Variants in JMJD1C observed in about 807,000 individuals in gnomAD.
JMJD1C encodes the protein jumonji domain-containing protein 1C.
In JMJD1C, 31 loss-of-function variants were observed where a neutral mutation model predicts 245.3. The ratio of observed to expected loss-of-function variants is 0.13; its 90% CI spans 0.09 to 0.17. JMJD1C has a LOEUF of 0.17. Among genes scored for constraint, JMJD1C ranks in the 10% least tolerant of loss-of-function variants. JMJD1C has a pLI of 1.00. For synonymous variants in JMJD1C, 1,057 were observed against 1,017.4 expected, an observed-to-expected ratio of 1.04 and a Z score of -0.74; for missense variants, 2,691 against 3,000.2, an observed-to-expected ratio of 0.90 and a Z score of 2.41.
At chr10:63,281,770 A>G (rs1430976918) in intron 2 of JMJD1C, among the ~76,000 whole-genome samples, 1 of 152,072 alleles carries the variant, frequency 6.6e-6, no homozygotes, top group African/African-American at 2.4e-5. Context: ...TGCCCAGCCA[A>G]TCCTTTACCT....
intron 2 of JMJD1C, among the ~76,000 whole-genome samples, chr10:63,307,562 G>A (rs1938445015): frequency 6.6e-6 from 1 of 152,092 alleles, no homozygotes; most frequent in Admixed American, 6.6e-5. Context: ...GCCTGACAGA[G>A]AAGCTGAGAA....
Position 63,204,584 on chromosome 10 carries a change from C to T in JMJD1C, c.5074+2011G>A. 5.1e-6 allele frequency: 5 copies of T among 985,368 alleles called. No homozygotes were observed. The South Asian group carries it at 1.4e-4, about 28-fold the overall frequency. The allele number at this position is 985,368 out of a possible 1,614,324, so 61.0% of individuals were successfully genotyped here. On this transcript the variant is annotated intron_variant, in intron 10 of 25. Coordinates refer to ENST00000399262, the MANE Select transcript of JMJD1C (RefSeq NM_032776.3). ...ACAGAAGAGAAACAATTAAATTGCT[C>T]ACACTAAGCCTATTATGAATTCATG...
At chr10:63,310,560 G>A (rs573086399) in intron 2 of JMJD1C, among the ~76,000 whole-genome samples, 18 of 152,120 alleles carry the variant, frequency 1.2e-4, no homozygotes, top group African/African-American at 2.7e-4. Context: ...GCTTAGAAAC[G>A]TAATACACTA....
At chr10:63,173,933 A>C (rs1428617064) in intron 24 of JMJD1C, among the ~76,000 whole-genome samples, 1 of 152,236 alleles carries the variant, frequency 6.6e-6, no homozygotes, top group Non-Finnish European at 1.5e-5. Context: ...AAATGAAGAT[A>C]TAAAAAGATG....
intron 2 of JMJD1C, among the ~76,000 whole-genome samples, chr10:63,271,382 T>A (rs1238713693): frequency 3.3e-5 from 5 of 151,912 alleles, no homozygotes. Flanking sequence ...GTCATCATGT[T>A]GACCAGGCTG....
At chr10:63,267,665 C>G (rs1025679149) in intron 2 of JMJD1C, among the ~76,000 whole-genome samples, 12 of 152,030 alleles carry the variant, frequency 7.9e-5, no homozygotes, top group Middle Eastern at 3.2e-3. Flanking sequence ...CTCTAAAAAG[C>G]CTTTGAAAAC....
At position 63,477,574 on chromosome 10, in the gene JMJD1C, C is replaced by T. The variant is rs886137604; in HGVS notation, n.113+44164G>A. Among the ~76,000 whole-genome samples, 11 of 144,384 alleles carry T rather than the reference C, an allele frequency of 7.6e-5. No individual in the cohort carries two copies. The South Asian group carries it at 1.1e-3, about 14-fold the overall frequency. The allele number at this position is 144,384 out of a possible 152,430, so 94.7% of individuals were successfully genotyped here. A position where few individuals can be genotyped will look rare whatever the true frequency, so the allele number is the denominator to read the frequency against. On this transcript the variant is annotated intron_variant and non_coding_transcript_variant, in intron 1 of 3. Coordinates refer to the JMJD1C transcript ENST00000633035. ...ATGTCAAAAAAAAAAAAAAAAACAACGAACCTTGACCCATACTTTGCAGCA... is the reference window on the plus strand; with the variant it reads ...ATGTCAAAAAAAAAAAAAAAAACAATGAACCTTGACCCATACTTTGCAGCA...
intron 1 of JMJD1C, among the ~76,000 whole-genome samples, chr10:63,395,809 A>G (rs1948447256): frequency 6.6e-6 from 1 of 152,162 alleles, no homozygotes. Flanking sequence ...ATGAATTTCT[A>G]ATGTTTTAGT....
intron 3 of JMJD1C, among the ~76,000 whole-genome samples, chr10:63,237,550 C>T (rs1034408302): frequency 6.6e-6 from 1 of 152,130 alleles, no homozygotes; most frequent in Admixed American, 6.6e-5. Context: ...GCAAGACTTG[C>T]TAGACTTGCC....
intron 1 of JMJD1C, among the ~76,000 whole-genome samples, chr10:63,417,103 G>A (rs1282803218): frequency 2.0e-5 from 3 of 152,102 alleles, no homozygotes; most frequent in Non-Finnish European, 4.4e-5. Flanking sequence ...TGTGATCAAA[G>A]TCACTGACGG....
At chr10:63,421,118 T>C (rs1448126175) in intron 1 of JMJD1C, among the ~76,000 whole-genome samples, 2 of 152,194 alleles carry the variant, frequency 1.3e-5, no homozygotes, top group Non-Finnish European at 2.9e-5. Context: ...GTGGATCATC[T>C]GAGGTCGGGA....
At chr10:63,293,786 C>G (rs1859048558) in intron 2 of JMJD1C, among the ~76,000 whole-genome samples, 1 of 83,086 alleles carries the variant, frequency 1.2e-5, no homozygotes, top group Non-Finnish European at 3.7e-5. Context: ...CCCTATTTCT[C>G]TAATTTTTTT....
chr10:63,447,245 CA>C (rs1165048821), intron 1 of JMJD1C, among the ~76,000 whole-genome samples: 2 of 152,144 alleles, frequency 1.3e-5, no homozygotes, highest in African/African-American at 2.4e-5. Flanking sequence ...CAAAAGCACT[CA>C]AAGGTTTATA....
At chr10:63,275,715 C>T (rs1344295180) in intron 2 of JMJD1C, among the ~76,000 whole-genome samples, 1 of 151,892 alleles carries the variant, frequency 6.6e-6, no homozygotes, top group East Asian at 1.9e-4. Context: ...TAACAAGTAA[C>T]ATAATTATAT....
intron 2 of JMJD1C, among the ~76,000 whole-genome samples, chr10:63,315,838 CAAAAAAAAAAAAAAAACACCACGA>C (rs774125280): frequency 1.8e-5 from 1 of 55,280 alleles, no homozygotes; most frequent in African/African-American, 5.1e-5. Flanking sequence ...GACACCGTCT[CAAAAAAAAAAAAAAAACACCACGA>C]AAAAAAAAAA....
At chr10:63,409,007 C>A (rs1409227056) in intron 1 of JMJD1C, among the ~76,000 whole-genome samples, 2 of 151,748 alleles carry the variant, frequency 1.3e-5, no homozygotes, top group Non-Finnish European at 2.9e-5. Context: ...TCATTAATTC[C>A]AAAAAAATAG....
intron 2 of JMJD1C, among the ~76,000 whole-genome samples, chr10:63,366,712 A>G (rs1945870339): frequency 6.6e-6 from 1 of 152,240 alleles, no homozygotes; most frequent in Non-Finnish European, 1.5e-5. Context: ...ATTTACAAAT[A>G]ATAGCTCCAA....
intron 1 of JMJD1C, among the ~76,000 whole-genome samples, chr10:63,390,721 G>GT (rs1429365886): frequency 1.4e-4 from 21 of 152,148 alleles, no homozygotes; most frequent in Non-Finnish European, 2.4e-4. Flanking sequence ...ATGCAAGGAT[G>GT]GTTCAACATA....
chr10:63,219,836 C>G (rs1301202763), intron 4 of JMJD1C, 42 bp downstream of exon 4: 2 of 1,417,502 alleles, frequency 1.4e-6, no homozygotes, highest in Non-Finnish European at 2.0e-6. Flanking sequence ...GATAAGTTGC[C>G]TAGATCCAAA....
Sources: gnomAD v4.1 joint callset for allele counts (sites outside exome capture counted in the v4.1 genomes callset) on GRCh38, gnomAD v4.1.1 for gene constraint, MANE v1.5 for transcripts, NCBI Gene and HGNC (gene_info 2026-07-23, HGNC 2026-07-21) for gene names.